Variants in UBE2E2 observed in about 807,000 individuals in gnomAD.
UBE2E2 encodes ubiquitin-conjugating enzyme E2 E2.
In UBE2E2, 6 loss-of-function variants were observed where a neutral mutation model predicts 24.7. The ratio of observed to expected loss-of-function variants is 0.24; its 90% CI spans 0.13 to 0.48. The LOEUF (loss-of-function observed/expected upper bound fraction) is 0.48. Ranked by LOEUF, UBE2E2 falls within the 20% of genes least tolerant of loss-of-function variation. The pLI, the probability that UBE2E2 is intolerant of heterozygous loss-of-function variation, is 0.99. For missense variants in UBE2E2, 169 were observed against 245.0 expected, an observed-to-expected ratio of 0.69 and a Z score of 2.07; for synonymous variants, 104 against 83.6, an observed-to-expected ratio of 1.24 and a Z score of -1.33.
chr3:23,385,052 T>A (rs1422335890), intron 3 of UBE2E2, among the ~76,000 whole-genome samples: 1 of 152,138 alleles, frequency 6.6e-6, no homozygotes, highest in Non-Finnish European at 1.5e-5. Flanking sequence ...TGCCTCAGCC[T>A]CCCAAGTAGC....
intron 4 of UBE2E2, among the ~76,000 whole-genome samples, chr3:23,509,384 G>A (rs76953036): frequency 0.029 from 4,454 of 152,014 alleles, 230 homozygotes; most frequent in African/African-American, 0.1. Flanking sequence ...AATATTCTAC[G>A]TGTGATGAAA....
In UBE2E2 at chr3:23,203,460, C is replaced by CG. The variant is rs1315067055; in HGVS notation, c.-13_-12insG. The CG allele has an allele frequency of 1.5e-5, 15 of 982,758 alleles. 1 individual carries two copies. The East Asian group carries it at 1.4e-3, about 92-fold the overall frequency. 60.9% of individuals were successfully genotyped at this position (982,758 alleles called of 1,614,324 possible). Reference sequence around the variant, plus strand: ...CTGCGACCTGCACGGACACCCCCCCCTCAGGTATTCGCTCGGGCCGCGCCG... The same window carrying CG: ...CTGCGACCTGCACGGACACCCCCCCCGTCAGGTATTCGCTCGGGCCGCGCCG... On this transcript the variant is annotated 5_prime_UTR_variant, in exon 1 of 6. Coordinates refer to ENST00000396703, the MANE Select transcript of UBE2E2 (RefSeq NM_152653.4).
chr3:23,298,531 A>G (rs1377433513), intron 3 of UBE2E2, among the ~76,000 whole-genome samples: 1 of 152,130 alleles, frequency 6.6e-6, no homozygotes, highest in Non-Finnish European at 1.5e-5. Flanking sequence ...CCTTTTCTGC[A>G]TCTATTGAGA....
intron 4 of UBE2E2, among the ~76,000 whole-genome samples, chr3:23,503,392 T>A (rs1385784561): frequency 1.3e-5 from 2 of 151,682 alleles, no homozygotes; most frequent in African/African-American, 2.4e-5. Flanking sequence ...GGTTTCGCCA[T>A]GTTGGCCAGG....
At chr3:23,535,857 G>A (rs1478414490) in intron 5 of UBE2E2, among the ~76,000 whole-genome samples, 1 of 151,962 alleles carries the variant, frequency 6.6e-6, no homozygotes, top group Non-Finnish European at 1.5e-5. Context: ...TCCTGACCTC[G>A]TGATCCGCCC....
At chr3:23,584,726 G>GTTTTT (rs1158915900) in intron 5 of UBE2E2, among the ~76,000 whole-genome samples, 107 of 113,484 alleles carry the variant, frequency 9.4e-4, no homozygotes, top group Non-Finnish European at 1.2e-3. Flanking sequence ...GCTGTTTTTT[G>GTTTTT]TTTTTTTTTT....
intron 3 of UBE2E2, among the ~76,000 whole-genome samples, chr3:23,306,487 G>C (rs1331450005): frequency 6.6e-6 from 1 of 152,148 alleles, no homozygotes; most frequent in African/African-American, 2.4e-5. Context: ...CAAACGAGTT[G>C]TATCTATCAA....
Position 23,357,491 on chromosome 3 carries a change from A to G in UBE2E2, c.227+140179A>G, listed in dbSNP as rs1229363351. The stretch of plus-strand genomic sequence containing the variant: ...ATTTGATTCTTTTTCAGTTCTTAAT[A>G]TCTAGCATAACAGGCAGGTTTAGCA... On this transcript the variant is annotated intron_variant, in intron 3 of 5. Coordinates refer to ENST00000396703, the MANE Select transcript of UBE2E2 (RefSeq NM_152653.4). Among the ~76,000 whole-genome samples, 4 of 152,098 alleles carry G rather than the reference A, an allele frequency of 2.6e-5. No individual in the cohort carries two copies. In the East Asian group the frequency reaches 7.7e-4, roughly 29 times the overall value.
chr3:23,578,780 G>T (rs1209237339), intron 5 of UBE2E2, among the ~76,000 whole-genome samples: 4 of 152,116 alleles, frequency 2.6e-5, no homozygotes, highest in Non-Finnish European at 5.9e-5. Flanking sequence ...TGTCAGAGGG[G>T]GCAGGGAAGG....
At chr3:23,354,726 G>A (rs200710948) in intron 3 of UBE2E2, among the ~76,000 whole-genome samples, 4,334 of 152,142 alleles carry the variant, frequency 0.028, 104 homozygotes, top group East Asian at 0.13. Context: ...AAGTCAGGAA[G>A]CAACAGGTGC....
At chr3:23,249,049 T>C (rs1219899348) in intron 3 of UBE2E2, among the ~76,000 whole-genome samples, 1 of 152,086 alleles carries the variant, frequency 6.6e-6, no homozygotes, top group Non-Finnish European at 1.5e-5. Flanking sequence ...CGTGGGAGGA[T>C]TGCTTGAGCC....
intron 2 of UBE2E2, among the ~76,000 whole-genome samples, chr3:23,211,735 G>A (rs1203026466): frequency 6.6e-6 from 1 of 152,054 alleles, no homozygotes; most frequent in African/African-American, 2.4e-5. Context: ...TCAAAGCCTC[G>A]ATTTCTTCTT....
chr3:23,315,839 C>G (rs1350434093), intron 3 of UBE2E2, among the ~76,000 whole-genome samples: 3 of 151,846 alleles, frequency 2.0e-5, no homozygotes, highest in Admixed American at 1.3e-4. Context: ...AGAGGATACC[C>G]TAAGCTTAGT....
At position 23,534,128 on chromosome 3, in the gene UBE2E2, CTTTTTTTTTT is replaced by C. The variant is rs1158079342; in HGVS notation, c.508+1439_508+1448del. 1.6e-5 allele frequency: 7 copies of C among 439,244 alleles called. No individual in the cohort carries two copies. In the South Asian group the frequency reaches 3.3e-4, roughly 20 times the overall value. 27.2% of individuals were successfully genotyped at this position (439,244 alleles called of 1,614,324 possible). On this transcript the variant is annotated intron_variant, in intron 5 of 5. Coordinates refer to ENST00000396703, the MANE Select transcript of UBE2E2 (RefSeq NM_152653.4). ...ATTTGGAGGTAATGTTGCAAGAAGG[CTTTTTTTTTT>C]TTTTTTTTTTTGAGGTGATTTCGAA...
intron 3 of UBE2E2, among the ~76,000 whole-genome samples, chr3:23,270,205 T>C (rs1207565767): frequency 6.7e-6 from 1 of 149,332 alleles, no homozygotes. Flanking sequence ...GCTCCTTTTG[T>C]GTAGTGGGCT....
At chr3:23,341,792 A>T (rs890581342) in intron 3 of UBE2E2, among the ~76,000 whole-genome samples, 1 of 151,684 alleles carries the variant, frequency 6.6e-6, no homozygotes, top group Non-Finnish European at 1.5e-5. Flanking sequence ...TATCTGGCCA[A>T]TTTTTTCTTT....
At chr3:23,269,821 G>A (rs1698183302) in intron 3 of UBE2E2, among the ~76,000 whole-genome samples, 1 of 152,176 alleles carries the variant, frequency 6.6e-6, no homozygotes, top group Non-Finnish European at 1.5e-5. Flanking sequence ...ATGATGTGCA[G>A]CTTAATATGG....
rs369085345 is a variant in UBE2E2, at chr3:23,289,488, C to T, written c.227+72176C>T. On this transcript the variant is annotated intron_variant, in intron 3 of 5. Coordinates refer to ENST00000396703, the MANE Select transcript of UBE2E2 (RefSeq NM_152653.4). ...TAAGCAAAAGCAATTTGACACTTTG[C>T]GACTTCTAGATACAATTTTTCAAAT... is the stretch of plus-strand genomic sequence containing the variant. 5.9e-5 allele frequency among the ~76,000 whole-genome samples: 9 copies of T among 152,192 alleles called. No individual in the cohort carries two copies. In the South Asian group the frequency reaches 6.2e-4, roughly 11 times the overall value.
chr3:23,240,046 G>A (rs1247622529), intron 3 of UBE2E2, among the ~76,000 whole-genome samples: 1 of 152,122 alleles, frequency 6.6e-6, no homozygotes, highest in Non-Finnish European at 1.5e-5. Flanking sequence ...TCATAAAGGA[G>A]CCTGGTTAAA....
Sources: gnomAD v4.1 joint callset for allele counts (sites outside exome capture counted in the v4.1 genomes callset) on GRCh38, gnomAD v4.1.1 for gene constraint, MANE v1.5 for transcripts, NCBI Gene and HGNC (gene_info 2026-07-23, HGNC 2026-07-21) for gene names.